Variants in APBB2 observed in about 807,000 individuals in gnomAD.
The protein encoded by APBB2 is amyloid beta precursor protein binding family B member 2, also known as Fe65-like 1.
APBB2 carries 38 observed loss-of-function variants against 82.5 expected under a neutral mutation model. The ratio of observed to expected loss-of-function variants is 0.46; its 90% confidence interval spans 0.36 to 0.60. The LOEUF is 0.60. Ranked by LOEUF, APBB2 falls within the 20% of genes least tolerant of loss-of-function variation. The probability of loss-of-function intolerance (pLI) is 0.00; values close to 1 mark genes in which losing one functional copy is unlikely to be tolerated. For synonymous variants in APBB2, 341 were observed against 368.2 expected, an observed-to-expected ratio of 0.93 and a Z score of 0.85; for missense variants, 772 against 972.3, an observed-to-expected ratio of 0.79 and a Z score of 2.74.
chr4:41,111,034 T>A (rs1231430656), intron 2 of APBB2, among the ~76,000 whole-genome samples: 1 of 152,200 alleles, frequency 6.6e-6, no homozygotes, highest in Non-Finnish European at 1.5e-5. Context: ...TACCAGATCA[T>A]CAGGCATTAG....
At chr4:41,130,723 C>T (rs1755724888) in intron 2 of APBB2, among the ~76,000 whole-genome samples, 1 of 152,136 alleles carries the variant, frequency 6.6e-6, no homozygotes, top group Non-Finnish European at 1.5e-5. Flanking sequence ...AGAGGCCAGT[C>T]TCCTCGAGTG....
intron 6 of APBB2, among the ~76,000 whole-genome samples, chr4:41,005,456 C>T (rs1037827199): frequency 8.6e-5 from 13 of 152,040 alleles, no homozygotes; most frequent in Non-Finnish European, 1.5e-4. Context: ...GGGCAAATAG[C>T]TCATGATGAA....
chr4:40,846,573 C>T (rs1299302544), intron 12 of APBB2, among the ~76,000 whole-genome samples: 1 of 152,140 alleles, frequency 6.6e-6, no homozygotes, highest in East Asian at 1.9e-4. Context: ...CCAGGATCAA[C>T]CGGTGACATG....
chr4:40,857,202 G>A, intron 12 of APBB2: 4 of 984,602 alleles, frequency 4.1e-6, no homozygotes, highest in Admixed American at 6.1e-5. Flanking sequence ...TGCCCCGCCC[G>A]CCGCGGCCGC....
chr4:41,181,975 G>GA (rs1242408525), intron 1 of APBB2, among the ~76,000 whole-genome samples: 1 of 146,998 alleles, frequency 6.8e-6, no homozygotes, highest in Non-Finnish European at 1.5e-5. Flanking sequence ...AAAGAAAAAA[G>GA]AAAGGGACTA....
rs185481803 is a variant in APBB2, at chr4:40,832,074, C to T, written c.1530-1497G>A. ...CACATATACACCAAGCTTTACCCAT[C>T]TAGGAATGGATCACAGTGATTTATT... On this transcript the variant is annotated intron_variant, in intron 12 of 17. Coordinates refer to ENST00000508593, the MANE Select transcript of APBB2 (RefSeq NM_004307.2). The surrounding 1 kb of genome is among the most constrained non-coding windows in gnomAD (Gnocchi z 4.8). Among the ~76,000 whole-genome samples, 266 of 143,202 alleles carry T rather than the reference C, an allele frequency of 1.9e-3. 1 individual carries two copies. The highest frequency in any genetic ancestry group is 7.6e-3 in the Middle Eastern group (2 of 262). The allele number at this position is 143,202 out of a possible 152,430, so 93.9% of individuals were successfully genotyped here. A position where few individuals can be genotyped will look rare whatever the true frequency, so the allele number is the denominator to read the frequency against.
At chr4:40,830,628 CACAT>C (rs1751554671) in intron 12 of APBB2, 51 bp from the exon 13 acceptor site, 1 of 1,093,298 alleles carries the variant, frequency 9.1e-7, no homozygotes. Flanking sequence ...TGATTACCAA[CACAT>C]ACTTTAGTTA....
chr4:41,102,112 C>T (rs1383730237), intron 2 of APBB2, among the ~76,000 whole-genome samples: 1 of 152,086 alleles, frequency 6.6e-6, no homozygotes, highest in African/African-American at 2.4e-5. Flanking sequence ...TCGGCATACC[C>T]CTCGGGCTCT....
chr4:41,083,128 G>A (rs1175974463), intron 3 of APBB2, among the ~76,000 whole-genome samples: 3 of 152,074 alleles, frequency 2.0e-5, no homozygotes, highest in Non-Finnish European at 2.9e-5. Flanking sequence ...TCATCCCACC[G>A]CACTCCAGCC....
intron 6 of APBB2, among the ~76,000 whole-genome samples, chr4:40,982,715 T>A (rs1799418153): frequency 6.6e-6 from 1 of 151,048 alleles, no homozygotes. Context: ...CACTTGAGCC[T>A]GGGAAGTTGA....
intron 12 of APBB2, among the ~76,000 whole-genome samples, chr4:40,858,454 CAAAAAA>C (rs34433911): frequency 6.9e-5 from 4 of 57,738 alleles, no homozygotes; most frequent in African/African-American, 3.0e-4. Context: ...GAGTCCGTCT[CAAAAAA>C]AAAAAAAAAA....
intron 4 of APBB2, among the ~76,000 whole-genome samples, chr4:41,062,920 C>T (rs985332630): frequency 6.6e-6 from 1 of 152,128 alleles, no homozygotes; most frequent in Non-Finnish European, 1.5e-5. Context: ...CAGGGCCCTT[C>T]GGTAATCTCT....
chr4:40,927,785 C>T (rs1270676832), intron 10 of APBB2, among the ~76,000 whole-genome samples: 1 of 152,164 alleles, frequency 6.6e-6, no homozygotes, highest in African/African-American at 2.4e-5. Flanking sequence ...GCGCCCAGCC[C>T]CTCTTCTTTA....
chr4:41,145,494 G>C (rs1234740229), intron 1 of APBB2, among the ~76,000 whole-genome samples: 1 of 152,134 alleles, frequency 6.6e-6, no homozygotes, highest in Admixed American at 6.5e-5. Flanking sequence ...ACCAGAAGAA[G>C]AAGACAGAAA....
chr4:41,032,873 C>T (rs1717505007), intron 5 of APBB2, among the ~76,000 whole-genome samples: 1 of 147,692 alleles, frequency 6.8e-6, no homozygotes, highest in African/African-American at 2.5e-5. Context: ...CAAGCTCCGC[C>T]TCCCGGGTTC....
chr4:40,917,010 TTCC>T (rs1436867330), intron 10 of APBB2, among the ~76,000 whole-genome samples: 1 of 152,172 alleles, frequency 6.6e-6, no homozygotes, highest in African/African-American at 2.4e-5. Context: ...TTCTGCAGGC[TTCC>T]TCAAGTGGCC....
chr4:41,066,642 C>T (rs951969323), intron 3 of APBB2, among the ~76,000 whole-genome samples: 1 of 152,020 alleles, frequency 6.6e-6, no homozygotes, highest in Non-Finnish European at 1.5e-5. Context: ...AGGAGTTAGC[C>T]GCGCTAGGGA....
chr4:40,860,797 T>A (rs541402836), intron 12 of APBB2, among the ~76,000 whole-genome samples: 64 of 152,346 alleles, frequency 4.2e-4, no homozygotes, highest in Admixed American at 1.3e-3. Flanking sequence ...CCGATTTTTT[T>A]ATATGACCAG....
intron 2 of APBB2, chr4:41,113,992 G>C (rs1369467432): frequency 6.6e-6 from 1 of 152,270 alleles, no homozygotes; most frequent in Non-Finnish European, 1.5e-5. Context: ...ACAGACATTA[G>C]CCTGGCCCCT....
Sources: gnomAD v4.1 joint callset for allele counts (sites outside exome capture counted in the v4.1 genomes callset) on GRCh38, gnomAD v4.1.1 for gene constraint, Gnocchi (gnomAD v3.1) non-coding constraint, MANE v1.5 for transcripts, NCBI Gene and HGNC (gene_info 2026-07-23, HGNC 2026-07-21) for gene names.